The following ZNF423 variants were observed in gnomAD, a reference collection of about 807,000 sequenced individuals.
The protein encoded by ZNF423 is Ebf-associated zinc finger protein.
Under a neutral mutation model 95.8 loss-of-function variants are expected in ZNF423, and 12 were observed. The observed-to-expected ratio is 0.13, with a 90% CI of 0.08 to 0.20. The LOEUF (loss-of-function observed/expected upper bound fraction) is 0.20. Ranked by LOEUF, ZNF423 falls within the 10% of genes least tolerant of loss-of-function variation. The pLI is 1.00. For synonymous variants in ZNF423, 749 were observed against 711.9 expected (o/e 1.05, Z -0.83); for missense variants, 1,316 against 1,737.1 (o/e 0.76, Z 4.31).
Position 49,489,926 on chromosome 16 carries a change from G to A in ZNF423, c.*1349C>T, listed in dbSNP as rs1966899621. 6.6e-6 allele frequency: 1 copy of A among 152,322 alleles called. No homozygotes were observed. Among genetic ancestry groups the A allele is most frequent in the African/African-American group, 2.4e-5 (1 of 41,424 alleles). 9.4% of individuals were successfully genotyped at this position (152,322 alleles called of 1,614,324 possible). ...GCAGGGCCAGGAGTAGGTGAAATAA[G>A]CAAGGTGCCTAGAGTGTAAAATGCA... On this transcript the variant is annotated 3_prime_UTR_variant, in exon 8 of 8. Coordinates refer to ENST00000563137, the MANE Select transcript of ZNF423 (RefSeq NM_001379286.1).
At chr16:49,651,793 A>G (rs1237682966) in intron 3 of ZNF423, among the ~76,000 whole-genome samples, 2 of 152,238 alleles carry the variant, frequency 1.3e-5, no homozygotes, top group African/African-American at 2.4e-5. Context: ...AGGTGGTCAC[A>G]GGACAAGGAG....
intron 2 of ZNF423, among the ~76,000 whole-genome samples, chr16:49,742,787 C>G (rs568937451): frequency 2.0e-4 from 31 of 152,258 alleles, no homozygotes; most frequent in African/African-American, 6.3e-4. Flanking sequence ...AAATCACCCC[C>G]CTTGTGGCTG....
In ZNF423 at chr16:49,855,444, C is replaced by T. The variant is rs1415795262; in HGVS notation, c.40+291G>A. On this transcript the variant is annotated intron_variant, in intron 1 of 7. Coordinates refer to ENST00000563137, the MANE Select transcript of ZNF423 (RefSeq NM_001379286.1). This position sits in a 1 kb window ranked among gnomAD's most constrained non-coding sequence, Gnocchi z 4.7. ...GGCAAGGGCCCCTTAGCGGCGCCCC[C>T]AGGCCTGGGTCCCCCAAGGGCGACG... is the stretch of plus-strand genomic sequence containing the variant. 1.3e-5 allele frequency among the ~76,000 whole-genome samples: 2 copies of T among 151,144 alleles called. No homozygotes were observed. Among genetic ancestry groups the T allele is most frequent in the Non-Finnish European group, 3.0e-5 (2 of 67,718 alleles).
intron 3 of ZNF423, among the ~76,000 whole-genome samples, chr16:49,698,768 C>A (rs1186007860): frequency 6.6e-6 from 1 of 152,212 alleles, no homozygotes; most frequent in Non-Finnish European, 1.5e-5. Context: ...AGCCAAGGTG[C>A]GGGCCGCGCT....
At chr16:49,718,362 T>A (rs188923245) in intron 3 of ZNF423, among the ~76,000 whole-genome samples, 1 of 152,262 alleles carries the variant, frequency 6.6e-6, no homozygotes, top group Admixed American at 6.5e-5. Flanking sequence ...GCCGAGATTA[T>A]GCCACTGCAC....
intron 3 of ZNF423, among the ~76,000 whole-genome samples, chr16:49,680,688 C>A (rs527670634): frequency 6.6e-6 from 1 of 152,344 alleles, no homozygotes; most frequent in East Asian, 1.9e-4. Context: ...CTGCCCGCCC[C>A]ACCACAGCAG....
chr16:49,775,038 G>A (rs758311982), intron 2 of ZNF423, among the ~76,000 whole-genome samples: 5 of 152,116 alleles, frequency 3.3e-5, no homozygotes, highest in African/African-American at 4.8e-5. Flanking sequence ...GCCCCCAGAC[G>A]CAGCCCAGCA....
At chr16:49,546,305 C>G (rs1421315570) in intron 5 of ZNF423, among the ~76,000 whole-genome samples, 1 of 152,198 alleles carries the variant, frequency 6.6e-6, no homozygotes, top group Non-Finnish European at 1.5e-5. Context: ...TTCAACACCC[C>G]TCCATCCACT....
intron 3 of ZNF423, among the ~76,000 whole-genome samples, chr16:49,684,937 C>A (rs538566809): frequency 1.3e-5 from 2 of 152,194 alleles, no homozygotes; most frequent in African/African-American, 4.8e-5. Context: ...AGACAGCGGG[C>A]GGAATCTACA....
Position 49,644,289 on chromosome 16 carries a change from A to C in ZNF423, c.302-5415T>G, listed in dbSNP as rs77583520. 3.1e-3 allele frequency among the ~76,000 whole-genome samples: 471 copies of C among 152,208 alleles called. 16 individuals are homozygous for C. The East Asian group carries it at 0.079, about 26-fold the overall frequency. ...ACTCTCTGCATTGAGTTTGGGGGGA[A>C]GATAGCTGAGCCCAGGAAGTTCCAG... On this transcript the variant is annotated intron_variant, in intron 3 of 7. Transcript: ENST00000563137.
intron 3 of ZNF423, among the ~76,000 whole-genome samples, chr16:49,652,070 G>C (rs913145811): frequency 6.6e-6 from 1 of 152,102 alleles, no homozygotes. Flanking sequence ...GAGAATCTAA[G>C]GTACTGGGAG....
At chr16:49,644,383 G>A (rs994226127) in intron 3 of ZNF423, among the ~76,000 whole-genome samples, 1 of 151,840 alleles carries the variant, frequency 6.6e-6, no homozygotes, top group Admixed American at 6.6e-5. Context: ...AGCCGGGCAT[G>A]GTGGCTCATG....
intron 3 of ZNF423, among the ~76,000 whole-genome samples, chr16:49,716,407 G>A (rs1403237666): frequency 6.6e-6 from 1 of 152,042 alleles, no homozygotes; most frequent in Non-Finnish European, 1.5e-5. Flanking sequence ...CCCCCAAGCT[G>A]GCTGCCATTC....
intron 3 of ZNF423, among the ~76,000 whole-genome samples, chr16:49,667,795 G>C (rs183604989): frequency 2.0e-3 from 297 of 152,254 alleles, no homozygotes; most frequent in Middle Eastern, 0.014. Context: ...CTAAGGCAGG[G>C]GGATCACTTG....
chr16:49,649,467 G>T (rs893661885), intron 3 of ZNF423, among the ~76,000 whole-genome samples: 12 of 152,078 alleles, frequency 7.9e-5, no homozygotes, highest in Admixed American at 7.9e-4. Context: ...AGTTCGGGTG[G>T]TTTTTTAATT....
intron 5 of ZNF423, among the ~76,000 whole-genome samples, chr16:49,595,358 A>G (rs1971149664): frequency 6.6e-6 from 1 of 152,228 alleles, no homozygotes; most frequent in Non-Finnish European, 1.5e-5. Context: ...CAGAAACCCC[A>G]GGGCTAAACT....
At chr16:49,778,696 G>T (rs554323857) in intron 2 of ZNF423, among the ~76,000 whole-genome samples, 1 of 152,210 alleles carries the variant, frequency 6.6e-6, no homozygotes. Context: ...TGCCAGTCAC[G>T]ATGTGGGGAG....
chr16:49,575,594 A>G (rs1385242459), intron 5 of ZNF423, among the ~76,000 whole-genome samples: 1 of 152,194 alleles, frequency 6.6e-6, no homozygotes, highest in Admixed American at 6.5e-5. Flanking sequence ...AAATGAAACC[A>G]GGACAGGCCA....
intron 3 of ZNF423, among the ~76,000 whole-genome samples, chr16:49,655,327 T>A (rs4785328): frequency 3.3e-5 from 5 of 151,724 alleles, no homozygotes; most frequent in African/African-American, 1.2e-4. Flanking sequence ...AAGTGGGATC[T>A]GGACTCCCCA....
Sources: gnomAD v4.1 joint callset for allele counts (sites outside exome capture counted in the v4.1 genomes callset) on GRCh38, gnomAD v4.1.1 for gene constraint, Gnocchi (gnomAD v3.1) non-coding constraint, MANE v1.5 for transcripts, NCBI Gene and HGNC (gene_info 2026-07-23, HGNC 2026-07-21) for gene names.